Variants in EHBP1 observed in about 807,000 individuals in gnomAD.
EHBP1 encodes EH domain-binding protein 1.
A neutral mutation model predicts 144.0 loss-of-function variants in EHBP1; 55 were observed. That is an observed-to-expected ratio of 0.38 (90% CI 0.31 to 0.48). EHBP1 has a LOEUF of 0.48. Among genes scored for constraint, EHBP1 ranks in the 20% least tolerant of loss-of-function variants. EHBP1 has a pLI of 0.98. For synonymous variants in EHBP1, 469 were observed against 472.7 expected, an observed-to-expected ratio of 0.99 and a Z score of 0.10; for missense variants, 1,200 against 1,364.2, an observed-to-expected ratio of 0.88 and a Z score of 1.90.
chr2:62,870,715 CAAAA>C (rs57276181), intron 9 of EHBP1, among the ~76,000 whole-genome samples: 34 of 90,258 alleles, frequency 3.8e-4, no homozygotes, highest in Middle Eastern at 0.011. Flanking sequence ...GACTGCATCT[CAAAA>C]AAAAAAAAAA....
At chr2:62,942,662 A>T in intron 10 of EHBP1, 56 bp from the exon 11 acceptor site, 1 of 1,468,928 alleles carries the variant, frequency 6.8e-7, no homozygotes, top group Non-Finnish European at 9.2e-7. Flanking sequence ...AATTAATGTT[A>T]ATTTTCATCT....
intron 5 of EHBP1, among the ~76,000 whole-genome samples, chr2:62,772,784 C>T (rs1455544380): frequency 6.6e-6 from 1 of 152,218 alleles, no homozygotes; most frequent in African/African-American, 2.4e-5. Context: ...ACAGGCTTAT[C>T]ACATGCTTTG....
At chr2:62,994,575 G>A (rs989903297) in intron 18 of EHBP1, among the ~76,000 whole-genome samples, 1 of 152,112 alleles carries the variant, frequency 6.6e-6, no homozygotes, top group South Asian at 2.1e-4. Context: ...TTGATGGACA[G>A]CTGCGGGACA....
intron 10 of EHBP1, among the ~76,000 whole-genome samples, chr2:62,924,597 A>T (rs1377324086): frequency 6.6e-6 from 1 of 152,218 alleles, no homozygotes; most frequent in African/African-American, 2.4e-5. Flanking sequence ...AATAAATTTG[A>T]AAACCTAGAG....
At chr2:62,757,588 A>G (rs2040413728) in intron 3 of EHBP1, among the ~76,000 whole-genome samples, 1 of 150,506 alleles carries the variant, frequency 6.6e-6, no homozygotes, top group South Asian at 2.1e-4. Context: ...CATACGCCAC[A>G]ATTCCCGGCA....
chr2:62,785,657 A>T (rs1349482682), intron 5 of EHBP1, among the ~76,000 whole-genome samples: 1 of 152,074 alleles, frequency 6.6e-6, no homozygotes. Flanking sequence ...GATTCCTTTA[A>T]ATTTTATTTT....
At chr2:62,810,603 C>CT (rs1271857825) in intron 5 of EHBP1, among the ~76,000 whole-genome samples, 6 of 152,190 alleles carry the variant, frequency 3.9e-5, no homozygotes, top group Admixed American at 1.3e-4. Flanking sequence ...GCAATGGGCA[C>CT]TTGGGTGCTT....
At chr2:63,000,829 T>C (rs1276377400) in intron 19 of EHBP1, among the ~76,000 whole-genome samples, 2 of 152,188 alleles carry the variant, frequency 1.3e-5, no homozygotes, top group African/African-American at 4.8e-5. Flanking sequence ...GGTGTGTGTG[T>C]GTGTGTACGT....
chr2:62,784,336 A>T (rs956340023), intron 5 of EHBP1, among the ~76,000 whole-genome samples: 1 of 152,232 alleles, frequency 6.6e-6, no homozygotes, highest in African/African-American at 2.4e-5. Context: ...AATTTGGGTC[A>T]CAGAATGATT....
At chr2:62,808,064 A>AAAAG (rs1307724132) in intron 5 of EHBP1, among the ~76,000 whole-genome samples, 4 of 151,702 alleles carry the variant, frequency 2.6e-5, no homozygotes, top group Non-Finnish European at 5.9e-5. Flanking sequence ...AAAAAAAAAA[A>AAAAG]AAAGAAAGAA....
chr2:62,936,392 A>C (rs2056387448), intron 10 of EHBP1, among the ~76,000 whole-genome samples: 1 of 152,138 alleles, frequency 6.6e-6, no homozygotes, highest in South Asian at 2.1e-4. Flanking sequence ...GGTTTAATTT[A>C]GTCTTTTCAA....
intron 5 of EHBP1, among the ~76,000 whole-genome samples, chr2:62,784,437 T>C (rs1471162602): frequency 6.6e-6 from 1 of 152,180 alleles, no homozygotes; most frequent in Admixed American, 6.5e-5. Context: ...AAGTTTCACC[T>C]GCATGTAGTT....
rs1354512014 is a variant in EHBP1 at position 62,943,860 on chromosome 2, G to A, written c.1413+10G>A. The A allele has an allele frequency of 6.3e-7, 1 of 1,591,444 alleles. No individual in the cohort carries two copies. Among genetic ancestry groups the A allele is most frequent in the Non-Finnish European group, 8.6e-7 (1 of 1,164,924 alleles). On this transcript the variant is annotated intron_variant, in intron 12 of 22. Transcript: ENST00000431489. ...AGAGAACAACAAAAAGGTAAGAATT[G>A]ATGAGCAAGAAAAATACGTAGTTTC...
At chr2:62,916,855 T>C (rs1018837868) in intron 10 of EHBP1, among the ~76,000 whole-genome samples, 4 of 150,450 alleles carry the variant, frequency 2.7e-5, no homozygotes, top group Non-Finnish European at 5.9e-5. Flanking sequence ...TCATTGTGTA[T>C]ATAAAATATA....
chr2:62,889,511 C>A (rs1205948029), intron 10 of EHBP1, among the ~76,000 whole-genome samples: 2 of 152,058 alleles, frequency 1.3e-5, no homozygotes, highest in East Asian at 3.9e-4. Flanking sequence ...AGGTTCTTTT[C>A]CAGGGCTTTT....
At chr2:62,812,152 G>A (rs2045066532) in intron 5 of EHBP1, among the ~76,000 whole-genome samples, 1 of 152,056 alleles carries the variant, frequency 6.6e-6, no homozygotes, top group Admixed American at 6.5e-5. Context: ...TTCACTTTGC[G>A]ATAATGCAAC....
At chr2:62,720,622 GTACTC>G (rs777860826) in intron 2 of EHBP1, among the ~76,000 whole-genome samples, 12 of 152,310 alleles carry the variant, frequency 7.9e-5, no homozygotes, top group East Asian at 1.9e-4. Context: ...AATTTGAAGA[GTACTC>G]TAATTTGCAA....
chr2:62,754,044 G>A (rs941099262), intron 3 of EHBP1, among the ~76,000 whole-genome samples: 3 of 152,188 alleles, frequency 2.0e-5, no homozygotes, highest in Non-Finnish European at 2.9e-5. Context: ...GAGGAGCTCC[G>A]TTCCTTTGGA....
At position 62,876,152 on chromosome 2, in the gene EHBP1, T is replaced by C. The variant is rs141256773; in HGVS notation, c.1185+1620T>C. Among the ~76,000 whole-genome samples the C allele has an allele frequency of 3.1e-4, 47 of 152,250 alleles. No homozygotes were observed. The East Asian group carries it at 8.5e-3, about 28-fold the overall frequency. ...CAAAGAACCCCTGTGAGATTCCATA[T>C]AAGATGACCATCCCTAAGTCATATG... On this transcript the variant is annotated intron_variant, in intron 10 of 22. Coordinates refer to ENST00000431489, the MANE Select transcript of EHBP1 (RefSeq NM_001142616.3).
Sources: gnomAD v4.1 joint callset for allele counts (sites outside exome capture counted in the v4.1 genomes callset) on GRCh38, gnomAD v4.1.1 for gene constraint, MANE v1.5 for transcripts, NCBI Gene and HGNC (gene_info 2026-07-23, HGNC 2026-07-21) for gene names.